VPS13B: variants seen among roughly 807,000 people sequenced by gnomAD.
VPS13B encodes intermembrane lipid transfer protein VPS13B.
Under a neutral mutation model 426.4 loss-of-function variants are expected in VPS13B, and 285 were observed. The ratio of observed to expected loss-of-function variants is 0.67; its 90% CI spans 0.61 to 0.74. VPS13B has a LOEUF of 0.74. VPS13B is among the 30% of genes least tolerant of loss of function. VPS13B has a pLI of 0.00. For missense variants in VPS13B, 4,537 were observed against 4,782.6 expected, an observed-to-expected ratio of 0.95 and a Z score of 1.51; for synonymous variants, 1,676 against 1,676.4, an observed-to-expected ratio of 1.00 and a Z score of 0.01.
intron 3 of VPS13B, among the ~76,000 whole-genome samples, chr8:99,084,564 C>T (rs537848457): frequency 6.6e-6 from 1 of 152,164 alleles, no homozygotes; most frequent in Admixed American, 6.5e-5. Context: ...AATTTTAGAT[C>T]TTTCCTGCTT....
At chr8:99,087,063 A>G (rs1224346902) in intron 3 of VPS13B, among the ~76,000 whole-genome samples, 1 of 152,172 alleles carries the variant, frequency 6.6e-6, no homozygotes, top group Non-Finnish European at 1.5e-5. Context: ...GGTGGAGTCT[A>G]CAGAGGCAGG....
At chr8:99,351,814 C>A (rs917027913) in intron 19 of VPS13B, among the ~76,000 whole-genome samples, 1 of 151,944 alleles carries the variant, frequency 6.6e-6, no homozygotes, top group Admixed American at 6.6e-5. Flanking sequence ...GTTCAGTAAA[C>A]CTTTGTTATG....
At chr8:99,858,548 G>A (rs750250855) in intron 56 of VPS13B, among the ~76,000 whole-genome samples, 1 of 152,186 alleles carries the variant, frequency 6.6e-6, no homozygotes, top group Admixed American at 6.5e-5. Context: ...AGCCAGGCGT[G>A]GTGGCATGTG....
At chr8:99,439,868 C>T (rs1408290113) in intron 22 of VPS13B, among the ~76,000 whole-genome samples, 1 of 152,032 alleles carries the variant, frequency 6.6e-6, no homozygotes, top group East Asian at 1.9e-4. Flanking sequence ...TTTCTCAAAC[C>T]TCACATATAG....
chr8:99,180,886 A>G (rs983927653), intron 16 of VPS13B, among the ~76,000 whole-genome samples: 3 of 152,222 alleles, frequency 2.0e-5, no homozygotes. Context: ...ATGTAGAATT[A>G]ACCATCTTTT....
Position 99,261,282 on chromosome 8 carries a change from C to A in VPS13B, c.2516-12916C>A, listed in dbSNP as rs57415302. 3.3e-5 allele frequency among the ~76,000 whole-genome samples: 5 copies of A among 152,184 alleles called. No individual in the cohort carries two copies. The East Asian group carries it at 9.6e-4, about 29-fold the overall frequency. On this transcript the variant is annotated intron_variant, in intron 17 of 61. Coordinates refer to ENST00000357162, the MANE Select transcript of VPS13B (RefSeq NM_152564.5). ...ATTTCTCTGTGTTCTACCTATTTATCCTATCCCCCACCAGCCAAACCCTAG... is the reference window on the plus strand; with the variant it reads ...ATTTCTCTGTGTTCTACCTATTTATACTATCCCCCACCAGCCAAACCCTAG...
At chr8:99,472,432 A>G (rs1473984895) in intron 24 of VPS13B, among the ~76,000 whole-genome samples, 4 of 151,998 alleles carry the variant, frequency 2.6e-5, no homozygotes, top group Non-Finnish European at 5.9e-5. Flanking sequence ...AAATATGTGG[A>G]CATTAAACAA....
chr8:99,115,779 G>A lies in VPS13B; in HGVS notation c.842G>A (p.Gly281Glu). The change falls in exon 7 of 62, where the codon GGA (glycine) becomes GAA (glutamate). Residue 281 changes from glycine (G) to glutamate (E), a missense_variant. This residue lies in a region of VPS13B where 4,311 missense variants were observed against 4,474.3 expected (regional missense o/e 0.96). Coordinates refer to ENST00000357162, the MANE Select transcript of VPS13B (RefSeq NM_152564.5). ...LPMFIRIMQL[G>E]IALYYGEIGN... Reference sequence around the variant, plus strand: ...ATGTTTATTCGTATAATGCAACTTGGAATTGCTCTTTACTATGGAGAAATA... The same window carrying A: ...ATGTTTATTCGTATAATGCAACTTGAAATTGCTCTTTACTATGGAGAAATA... 6.2e-7 allele frequency: 1 copy of A among 1,613,664 alleles called. No individual in the cohort carries two copies. Among genetic ancestry groups the A allele is most frequent in the Non-Finnish European group, 8.5e-7 (1 of 1,179,818 alleles).
chr8:99,334,058 T>A (rs1032758452), intron 19 of VPS13B, among the ~76,000 whole-genome samples: 4 of 151,952 alleles, frequency 2.6e-5, no homozygotes, highest in Non-Finnish European at 5.9e-5. Flanking sequence ...TGGACATATA[T>A]TGTCATTTCT....
intron 19 of VPS13B, among the ~76,000 whole-genome samples, chr8:99,342,696 C>T (rs1156639585): frequency 6.6e-6 from 1 of 152,126 alleles, no homozygotes; most frequent in Non-Finnish European, 1.5e-5. Flanking sequence ...AATAGTGCTG[C>T]AGTGAACATG....
At chr8:99,570,322 G>A (rs1209703387) in intron 31 of VPS13B, among the ~76,000 whole-genome samples, 1 of 151,630 alleles carries the variant, frequency 6.6e-6, no homozygotes, top group African/African-American at 2.4e-5. Flanking sequence ...TGGAATTCTA[G>A]TTATATATGT....
chr8:99,486,066 T>C (rs1306706096), intron 25 of VPS13B, among the ~76,000 whole-genome samples: 1 of 152,190 alleles, frequency 6.6e-6, no homozygotes, highest in Non-Finnish European at 1.5e-5. Flanking sequence ...GAGCCCTCTG[T>C]TGCAGAATTG....
chr8:99,744,450 C>T (rs1809955960), intron 39 of VPS13B, among the ~76,000 whole-genome samples: 2 of 152,146 alleles, frequency 1.3e-5, no homozygotes, highest in Admixed American at 1.3e-4. Context: ...TACCATTTGA[C>T]CCAGCCATCC....
At chr8:99,273,334 CT>C (rs201417620) in intron 17 of VPS13B, among the ~76,000 whole-genome samples, 108,877 of 147,094 alleles carry the variant, frequency 0.74, 40,461 homozygotes, top group Middle Eastern at 0.83. Flanking sequence ...AATTTTTGTA[CT>C]TTTTTTTTTT....
chr8:99,549,084 A>G (rs1242413300), intron 30 of VPS13B, among the ~76,000 whole-genome samples: 1 of 152,088 alleles, frequency 6.6e-6, no homozygotes, highest in Admixed American at 6.6e-5. Flanking sequence ...AGCTCAGGAG[A>G]CTAAGATTGT....
At chr8:99,833,950 A>G (rs986130516) in intron 52 of VPS13B, among the ~76,000 whole-genome samples, 1 of 152,222 alleles carries the variant, frequency 6.6e-6, no homozygotes, top group Admixed American at 6.5e-5. Flanking sequence ...TACTCTTAAA[A>G]TGAATTTATT....
At chr8:99,503,790 A>T (rs1563765306) in intron 27 of VPS13B, among the ~76,000 whole-genome samples, 1 of 152,196 alleles carries the variant, frequency 6.6e-6, no homozygotes, top group Non-Finnish European at 1.5e-5. Flanking sequence ...TCCTCCAGTG[A>T]GGTCTTGAAA....
Position 99,720,329 on chromosome 8 carries a change from T to C in VPS13B, c.6658-16T>C, listed in dbSNP as rs754577435. 1.2e-6 allele frequency: 2 copies of C among 1,607,402 alleles called. No individual in the cohort carries two copies. The highest frequency in any genetic ancestry group is 3.3e-5 in the Admixed American group (2 of 59,852). ...TTGTATTTAAAAGCTACTAGAATTT[T>C]TTTATGATTTTAAAGGTCTTCTGGG... is the stretch of plus-strand genomic sequence containing the variant. On this transcript the variant is annotated splice_polypyrimidine_tract_variant and intron_variant, in intron 37 of 61. Transcript: ENST00000357162.
Position 99,148,735 on chromosome 8 carries a change from G to A in VPS13B, c.2013+725G>A, listed in dbSNP as rs558764906. On this transcript the variant is annotated intron_variant, in intron 14 of 61. Coordinates refer to ENST00000357162, the MANE Select transcript of VPS13B (RefSeq NM_152564.5). The stretch of plus-strand genomic sequence containing the variant: ...TTTATTACTTACATAGACAGCAGAA[G>A]CAAAGTCAGTAATGGTGCCAGCTCC... 2.6e-5 allele frequency among the ~76,000 whole-genome samples: 4 copies of A among 152,314 alleles called. No homozygotes were observed. The South Asian group carries it at 8.3e-4, about 32-fold the overall frequency.
Sources: gnomAD v4.1 joint callset for allele counts (sites outside exome capture counted in the v4.1 genomes callset) on GRCh38, gnomAD v4.1.1 for gene constraint, gnomAD v4.1.1 regional missense constraint, MANE v1.5 for transcripts, NCBI Gene and HGNC (gene_info 2026-07-23, HGNC 2026-07-21) for gene names.